PPARG: variants seen among roughly 807,000 people sequenced by gnomAD.
PPARG encodes peroxisome proliferator-activated receptor gamma.
Under a neutral mutation model 39.2 loss-of-function variants are expected in PPARG, and 17 were observed. The observed-to-expected ratio is 0.43, with a 90% CI of 0.30 to 0.65. The LOEUF (loss-of-function observed/expected upper bound fraction) is 0.65, where lower values mean the gene tolerates loss of function less well. PPARG is among the 30% of genes least tolerant of loss of function. PPARG has a pLI of 0.13. For synonymous variants in PPARG, 223 were observed against 215.7 expected, an observed-to-expected ratio of 1.03 and a Z score of -0.30; for missense variants, 406 against 585.9, an observed-to-expected ratio of 0.69 and a Z score of 3.17.
intron 5 of PPARG, chr3:12,399,421 C>T: frequency 2.2e-6 from 1 of 456,020 alleles, no homozygotes; most frequent in South Asian, 1.6e-5. Flanking sequence ...TGGTTTTTCT[C>T]CCTCAAGAAA....
intron 2 of PPARG, among the ~76,000 whole-genome samples, chr3:12,331,836 G>A (rs957773272): frequency 6.6e-6 from 1 of 152,136 alleles, no homozygotes; most frequent in Non-Finnish European, 1.5e-5. Context: ...ACTAAGACAG[G>A]GCTCATTGAA....
At chr3:12,416,650 C>T (rs1305408052) in intron 6 of PPARG, 54 bp from the exon 7 acceptor site, 1 of 1,528,834 alleles carries the variant, frequency 6.5e-7, no homozygotes, top group African/African-American at 1.4e-5. Context: ...GGATGGCATT[C>T]ACTGTGAGTT....
chr3:12,334,948 G>A (rs1421692946), intron 2 of PPARG, among the ~76,000 whole-genome samples: 1 of 152,096 alleles, frequency 6.6e-6, no homozygotes, highest in East Asian at 1.9e-4. Flanking sequence ...ACGGATTTAA[G>A]TAGCATGAAC....
intron 2 of PPARG, among the ~76,000 whole-genome samples, chr3:12,338,250 T>G (rs529166259): frequency 1.7e-4 from 26 of 152,208 alleles, no homozygotes; most frequent in Non-Finnish European, 3.4e-4. Flanking sequence ...ACATACAACT[T>G]GTAATAAATG....
intron 2 of PPARG, among the ~76,000 whole-genome samples, chr3:12,373,834 A>G (rs1422577878): frequency 2.0e-5 from 3 of 152,168 alleles, no homozygotes; most frequent in Non-Finnish European, 4.4e-5. Flanking sequence ...GAGTGTTTTT[A>G]AGTTGGAGGA....
At chr3:12,431,042 A>G (rs1358184516) in intron 7 of PPARG, among the ~76,000 whole-genome samples, 1 of 152,226 alleles carries the variant, frequency 6.6e-6, no homozygotes, top group Non-Finnish European at 1.5e-5. Flanking sequence ...GAAGAGTTAC[A>G]GTTTTTAAAA....
chr3:12,434,306 C>T lies in PPARG; in HGVS notation c.*161C>T, dbSNP rs2051787046. 7.5e-6 allele frequency: 7 copies of T among 933,088 alleles called. No individual in the cohort carries two copies. The highest frequency in any genetic ancestry group is 2.4e-5 in the Admixed American group (1 of 41,216). The allele number at this position is 933,088 out of a possible 1,614,324, so 57.8% of individuals were successfully genotyped here. ...CATATTGTTTATAAAGACACATTTA[C>T]AATTTACTTTTAATATTAAAAATTA... On this transcript the variant is annotated 3_prime_UTR_variant, in exon 8 of 8. Coordinates refer to ENST00000651735, the MANE Select transcript of PPARG (RefSeq NM_138711.6). The surrounding 1 kb of genome is among the most constrained non-coding windows in gnomAD (Gnocchi z 4.2).
At chr3:12,368,485 A>C (rs2049099558) in intron 2 of PPARG, among the ~76,000 whole-genome samples, 1 of 152,130 alleles carries the variant, frequency 6.6e-6, no homozygotes, top group Non-Finnish European at 1.5e-5. Flanking sequence ...CCCAGCCTCT[A>C]ATCATTTTCT....
At chr3:12,414,495 AT>A (rs1472246495) in intron 6 of PPARG, among the ~76,000 whole-genome samples, 1 of 152,160 alleles carries the variant, frequency 6.6e-6, no homozygotes, top group Admixed American at 6.5e-5. Context: ...GAAAGTAAAT[AT>A]TTCATTAATA....
Position 12,399,867 on chromosome 3 carries a change from G to A in PPARG, c.530-6015G>A, listed in dbSNP as rs186726003. On this transcript the variant is annotated intron_variant, in intron 5 of 7. Coordinates refer to ENST00000651735, the MANE Select transcript of PPARG (RefSeq NM_138711.6). The stretch of plus-strand genomic sequence containing the variant: ...TAGCTGGGCATGGTCATGTGTGCCT[G>A]TGGGCCCAGCCACTTGGGAGGCTGA... Among the ~76,000 whole-genome samples, 56 of 149,704 alleles carry A rather than the reference G, an allele frequency of 3.7e-4. No homozygotes were observed. The East Asian group carries it at 0.01, about 27-fold the overall frequency.
chr3:12,298,768 C>A (rs9817428), intron 1 of PPARG, among the ~76,000 whole-genome samples: 46,596 of 152,024 alleles, frequency 0.31, 7,450 homozygotes, highest in East Asian at 0.49. Flanking sequence ...GGTAAAAGAA[C>A]CTCGATGTGA....
At chr3:12,318,791 T>C (rs1471183858) in intron 2 of PPARG, among the ~76,000 whole-genome samples, 1 of 152,116 alleles carries the variant, frequency 6.6e-6, no homozygotes, top group Non-Finnish European at 1.5e-5. Flanking sequence ...TAGTAAGTGC[T>C]CAATAATTGG....
At chr3:12,353,074 G>C (rs2048538664) in intron 2 of PPARG, among the ~76,000 whole-genome samples, 1 of 152,178 alleles carries the variant, frequency 6.6e-6, no homozygotes, top group Non-Finnish European at 1.5e-5. Flanking sequence ...ACTGTTTGTG[G>C]TAAGGGATGG....
At chr3:12,409,769 T>C (rs563917585) in intron 6 of PPARG, among the ~76,000 whole-genome samples, 1 of 152,300 alleles carries the variant, frequency 6.6e-6, no homozygotes, top group African/African-American at 2.4e-5. Flanking sequence ...GGAAATGACT[T>C]GATTGAAGAG....
intron 2 of PPARG, among the ~76,000 whole-genome samples, chr3:12,340,478 C>T (rs1252394457): frequency 6.6e-6 from 1 of 152,024 alleles, no homozygotes; most frequent in Non-Finnish European, 1.5e-5. Flanking sequence ...ACTTCTTGTC[C>T]AAGTTTTCAT....
chr3:12,296,361 G>A (rs1298455060), intron 1 of PPARG, among the ~76,000 whole-genome samples: 1 of 151,492 alleles, frequency 6.6e-6, no homozygotes, highest in Admixed American at 6.6e-5. Flanking sequence ...TGTTAGAAAT[G>A]CAGTTTCTTG....
chr3:12,297,755 T>G (rs1441274645), intron 1 of PPARG: 1 of 152,164 alleles, frequency 6.6e-6, no homozygotes, highest in Non-Finnish European at 1.5e-5. Context: ...CAAATAGAGC[T>G]TTTAAAAAAT....
chr3:12,354,317 T>G (rs2066396365), intron 2 of PPARG, among the ~76,000 whole-genome samples: 1 of 152,150 alleles, frequency 6.6e-6, no homozygotes, highest in Admixed American at 6.5e-5. Flanking sequence ...CCACATATAT[T>G]AACAGAATAC....
At chr3:12,294,620 C>G (rs540799933) in intron 1 of PPARG, among the ~76,000 whole-genome samples, 5 of 152,110 alleles carry the variant, frequency 3.3e-5, no homozygotes, top group African/African-American at 1.2e-4. Flanking sequence ...TGCGGCCAGT[C>G]GCAGTGGCTC....
Sources: allele counts gnomAD v4.1 joint callset (sites outside exome capture counted in the v4.1 genomes callset), GRCh38; gene constraint gnomAD v4.1.1; non-coding constraint Gnocchi (gnomAD v3.1); transcripts MANE v1.5; gene names NCBI Gene and HGNC (gene_info 2026-07-23, HGNC 2026-07-21).